The following ZDHHC2 variants were observed in gnomAD, a reference collection of about 807,000 sequenced individuals.
The protein encoded by ZDHHC2 is zDHHC palmitoyltransferase 2.
In ZDHHC2, 51 loss-of-function variants were observed where a neutral mutation model predicts 55.6. That is an observed-to-expected ratio of 0.92 (90% CI 0.73 to 1.16). The LOEUF is 1.16. Ranked by LOEUF, ZDHHC2 falls within the 50% of genes most tolerant of loss-of-function variation. ZDHHC2 has a pLI of 0.00. For missense variants in ZDHHC2, 491 were observed against 442.4 expected (o/e 1.11, Z -0.99); for synonymous variants, 199 against 152.9 (o/e 1.30, Z -2.22).
chr8:17,199,888 T>C (rs1031354026), intron 6 of ZDHHC2, among the ~76,000 whole-genome samples: 1 of 151,520 alleles, frequency 6.6e-6, no homozygotes, highest in Non-Finnish European at 1.5e-5. Context: ...GCCTCCTGAG[T>C]AGCCAGACTA....
chr8:17,217,872 A>G (rs1441166577), intron 12 of ZDHHC2, among the ~76,000 whole-genome samples: 1 of 152,190 alleles, frequency 6.6e-6, no homozygotes, highest in Non-Finnish European at 1.5e-5. Context: ...AAAAGCTACA[A>G]TAAGGAACCC....
intron 1 of ZDHHC2, among the ~76,000 whole-genome samples, chr8:17,167,536 C>T (rs1804663011): frequency 1.3e-5 from 2 of 152,006 alleles, no homozygotes; most frequent in African/African-American, 4.8e-5. Context: ...AACTCCTGAC[C>T]TCAGGTGATT....
chr8:17,216,766 G>C (rs574868696), intron 11 of ZDHHC2, among the ~76,000 whole-genome samples: 1 of 152,182 alleles, frequency 6.6e-6, no homozygotes, highest in South Asian at 2.1e-4. Flanking sequence ...AAAGTGTAAA[G>C]GATGATGTAT....
chr8:17,191,868 A>C (rs12156187), intron 3 of ZDHHC2, among the ~76,000 whole-genome samples: 24,694 of 152,086 alleles, frequency 0.16, 2,617 homozygotes, highest in Admixed American at 0.33. Context: ...TGGTAGCTCT[A>C]TTTTTAGTTT....
intron 6 of ZDHHC2, among the ~76,000 whole-genome samples, chr8:17,199,509 T>TTCTTCTTCATCTTCGTCTTCG (rs1297662337): frequency 3.3e-5 from 4 of 121,116 alleles, no homozygotes; most frequent in African/African-American, 1.5e-4. Flanking sequence ...CTTCTTCTTC[T>TTCTTCTTCATCTTCGTCTTCG]TCTTCGTCTT....
chr8:17,166,590 C>A (rs558894617), intron 1 of ZDHHC2, among the ~76,000 whole-genome samples: 3 of 152,242 alleles, frequency 2.0e-5, no homozygotes, highest in East Asian at 1.9e-4. Context: ...ATTTGTTCTA[C>A]CACATGTGAG....
intron 12 of ZDHHC2, among the ~76,000 whole-genome samples, chr8:17,219,752 C>A (rs1007898518): frequency 6.6e-6 from 1 of 152,162 alleles, no homozygotes; most frequent in African/African-American, 2.4e-5. Context: ...TGCACTCCAG[C>A]CTGGGTGACA....
intron 1 of ZDHHC2, among the ~76,000 whole-genome samples, chr8:17,183,978 C>T (rs1016541804): frequency 1.3e-5 from 2 of 152,114 alleles, no homozygotes; most frequent in African/African-American, 4.8e-5. Flanking sequence ...GCACCAAGGC[C>T]TGAGGTCCCG....
At chr8:17,219,252 T>TAAAAAAAAAAAAAAGAAAAAAAA (rs1807795228) in intron 12 of ZDHHC2, among the ~76,000 whole-genome samples, 1 of 49,550 alleles carries the variant, frequency 2.0e-5, no homozygotes, top group African/African-American at 8.5e-5. Flanking sequence ...AGCAAGACTC[T>TAAAAAAAAAAAAAAGAAAAAAAA]AAAAAAAAAA....
chr8:17,178,779 T>C (rs1272318642), intron 1 of ZDHHC2, among the ~76,000 whole-genome samples: 5 of 152,224 alleles, frequency 3.3e-5, no homozygotes, highest in Admixed American at 3.3e-4. Context: ...TTATGGGTTA[T>C]TACTTTGACA....
chr8:17,207,024 T>TA (rs1807132806), intron 7 of ZDHHC2, among the ~76,000 whole-genome samples: 1 of 152,178 alleles, frequency 6.6e-6, no homozygotes, highest in Non-Finnish European at 1.5e-5. Context: ...GGGAGAGCAT[T>TA]ACCTCACTGC....
intron 6 of ZDHHC2, among the ~76,000 whole-genome samples, chr8:17,201,545 T>G (rs140679629): frequency 0.05 from 6,574 of 130,582 alleles, 302 homozygotes; most frequent in African/African-American, 0.1. Context: ...TGGGCTAGAG[T>G]GTGGTGGTGC....
chr8:17,201,467 TTCTC>T (rs201294546), intron 6 of ZDHHC2, among the ~76,000 whole-genome samples: 11 of 100,748 alleles, frequency 1.1e-4, no homozygotes, highest in Non-Finnish European at 1.7e-4. Flanking sequence ...GGGCAGCCTT[TTCTC>T]TCTCTCTCTC....
In ZDHHC2 at chr8:17,212,608, A is replaced by T. The variant is rs73669036; in HGVS notation, c.950+2128A>T. On this transcript the variant is annotated intron_variant, in intron 10 of 12. Transcript: ENST00000262096. ...CTAGCCCTCATCCCTGCTCCCATGG[A>T]TTACTTCAGTAGTTTTCTAACTGAT... 2.2e-3 allele frequency among the ~76,000 whole-genome samples: 338 copies of T among 152,238 alleles called. 2 individuals are homozygous for T. The highest frequency in any genetic ancestry group is 7.9e-3 in the African/African-American group (328 of 41,550).
intron 6 of ZDHHC2, among the ~76,000 whole-genome samples, chr8:17,205,043 C>T (rs570046158): frequency 6.6e-5 from 10 of 152,230 alleles, no homozygotes; most frequent in Admixed American, 5.9e-4. Context: ...GTTTTACTTA[C>T]AGATAAAGAA....
chr8:17,215,091 A>C, intron 10 of ZDHHC2, 146 bp from the exon 11 acceptor site: 1 of 647,068 alleles, frequency 1.5e-6, no homozygotes, highest in Non-Finnish European at 2.7e-6. Context: ...TTAATGTCTT[A>C]TTCTTGTATT....
chr8:17,210,284 G>C, intron 9 of ZDHHC2, 104 bp from the exon 10 acceptor site: 21 of 1,202,558 alleles, frequency 1.7e-5, no homozygotes, highest in Non-Finnish European at 2.4e-5. Flanking sequence ...CATTTTTTTT[G>C]CCTAGAGTAT....
intron 3 of ZDHHC2, among the ~76,000 whole-genome samples, chr8:17,190,860 A>G (rs1381413600): frequency 2.7e-5 from 4 of 148,644 alleles, no homozygotes; most frequent in Non-Finnish European, 4.4e-5. Context: ...AAAAAATCCT[A>G]TTATACTCTT....
intron 6 of ZDHHC2, among the ~76,000 whole-genome samples, chr8:17,203,485 CG>C (rs1806918309): frequency 6.6e-6 from 1 of 152,162 alleles, no homozygotes; most frequent in Non-Finnish European, 1.5e-5. Flanking sequence ...CTGCCTGCCT[CG>C]GCCCCCTAAA....
Sources: allele counts gnomAD v4.1 joint callset (sites outside exome capture counted in the v4.1 genomes callset), GRCh38; gene constraint gnomAD v4.1.1; transcripts MANE v1.5; gene names NCBI Gene and HGNC (gene_info 2026-07-23, HGNC 2026-07-21).